The following ARHGAP44 variants were observed in gnomAD, a reference collection of about 807,000 sequenced individuals.
The protein encoded by ARHGAP44 is Rho GTPase activating protein 44.
A neutral mutation model predicts 106.8 loss-of-function variants in ARHGAP44; 43 were observed. The ratio of observed to expected loss-of-function variants is 0.40; its 90% CI spans 0.32 to 0.52. ARHGAP44 has a LOEUF of 0.52. Among genes scored for constraint, ARHGAP44 ranks in the 20% least tolerant of loss-of-function variants. The pLI, the probability that ARHGAP44 is intolerant of heterozygous loss-of-function variation, is 0.48. For missense variants in ARHGAP44, 866 were observed against 1,050.5 expected (o/e 0.82, Z 2.43); for synonymous variants, 439 against 410.3 (o/e 1.07, Z -0.85).
rs187352068 is a variant in ARHGAP44 at position 12,836,905 on chromosome 17, C to G, written c.53+47014C>G. On this transcript the variant is annotated intron_variant, in intron 1 of 20. Coordinates refer to ENST00000379672, the MANE Select transcript of ARHGAP44 (RefSeq NM_014859.6). ...TTAGCAAGGACAAAGGAGAACTGAA[C>G]AATGCTGTAAACCAATTGGATCTAA... Among the ~76,000 whole-genome samples the G allele has an allele frequency of 2.0e-4, 31 of 152,254 alleles. 1 individual carries two copies. The highest frequency in any genetic ancestry group is 1.8e-3 in the Admixed American group (28 of 15,306).
intron 1 of ARHGAP44, among the ~76,000 whole-genome samples, chr17:12,825,448 G>T (rs560612417): frequency 3.3e-5 from 5 of 150,882 alleles, no homozygotes; most frequent in Non-Finnish European, 7.4e-5. Context: ...GTGCATTATA[G>T]AGAGAGAGAG....
At chr17:12,871,265 C>T (rs1045369590) in intron 1 of ARHGAP44, among the ~76,000 whole-genome samples, 1 of 152,182 alleles carries the variant, frequency 6.6e-6, no homozygotes, top group Non-Finnish European at 1.5e-5. Flanking sequence ...TAGGTGGGGC[C>T]TGGTGGGAGG....
At position 12,938,602 on chromosome 17, in the gene ARHGAP44, A is replaced by AC. The variant is rs200841232; in HGVS notation, c.583-2454_583-2453insC. On this transcript the variant is annotated intron_variant, in intron 7 of 20. Coordinates refer to ENST00000379672, the MANE Select transcript of ARHGAP44 (RefSeq NM_014859.6). ...TATATTAAAAAAAAAAAAAAAAAAA[A>AC]ACAGCTGCCTGGTGGGATTACAGGT... Among the ~76,000 whole-genome samples, 407 of 151,658 alleles carry AC rather than the reference A, an allele frequency of 2.7e-3. 7 individuals are homozygous for AC. The East Asian group carries it at 0.052, about 19-fold the overall frequency.
At chr17:12,877,699 G>C (rs1033783366) in intron 1 of ARHGAP44, among the ~76,000 whole-genome samples, 4 of 151,678 alleles carry the variant, frequency 2.6e-5, no homozygotes, top group Non-Finnish European at 4.4e-5. Flanking sequence ...GCCGTGAGCC[G>C]AGATCGCGCC....
chr17:12,802,937 A>G lies in ARHGAP44; in HGVS notation c.53+13046A>G, dbSNP rs1284957705. 6.2e-3 allele frequency among the ~76,000 whole-genome samples: 47 copies of G among 7,574 alleles called. 1 individual carries two copies. Among genetic ancestry groups the G allele is most frequent in the African/African-American group, 0.025 (45 of 1,794 alleles). The allele number at this position is 7,574 out of a possible 152,430, so 5.0% of individuals were successfully genotyped here. A position where few individuals can be genotyped will look rare whatever the true frequency, so the allele number is the denominator to read the frequency against. ...CCATACCTGGCTAATTTATATATAT[A>G]TATATATATATATATATATATATAT... On this transcript the variant is annotated intron_variant, in intron 1 of 20. Transcript: ENST00000379672.
chr17:12,880,578 C>A (rs1357163930), intron 1 of ARHGAP44, among the ~76,000 whole-genome samples: 1 of 151,208 alleles, frequency 6.6e-6, no homozygotes, highest in Admixed American at 6.6e-5. Flanking sequence ...TATTTTATTG[C>A]TCTTTATTAC....
Position 12,990,301 on chromosome 17 carries a change from G to C in ARHGAP44, c.*130G>C. On this transcript the variant is annotated 3_prime_UTR_variant, in exon 21 of 21. Coordinates refer to ENST00000379672, the MANE Select transcript of ARHGAP44 (RefSeq NM_014859.6). ...TCCTGCCACTGCCAACACGAGGTTG[G>C]AATTTGGCAGAAAATTGTGATCTCC... is the stretch of plus-strand genomic sequence containing the variant. 3.2e-6 allele frequency: 4 copies of C among 1,262,162 alleles called. No individual in the cohort carries two copies. The highest frequency in any genetic ancestry group is 4.3e-6 in the Non-Finnish European group (4 of 932,012). 78.2% of individuals were successfully genotyped at this position (1,262,162 alleles called of 1,614,324 possible).
chr17:12,840,474 A>C (rs936982939), intron 1 of ARHGAP44, among the ~76,000 whole-genome samples: 2 of 152,152 alleles, frequency 1.3e-5, no homozygotes. Flanking sequence ...TCATCTCATC[A>C]GTCTTTTAGT....
intron 1 of ARHGAP44, among the ~76,000 whole-genome samples, chr17:12,885,724 G>A (rs1597997414): frequency 1.3e-5 from 2 of 151,470 alleles, no homozygotes; most frequent in Non-Finnish European, 2.9e-5. Flanking sequence ...TTTTCTTATT[G>A]TTAAGTTTCA....
At chr17:12,893,620 G>A (rs75427982) in intron 1 of ARHGAP44, among the ~76,000 whole-genome samples, 1,780 of 152,310 alleles carry the variant, frequency 0.012, 33 homozygotes, top group African/African-American at 0.039. Flanking sequence ...AGGGGTACGG[G>A]CTTGGGTGGT....
intron 16 of ARHGAP44, among the ~76,000 whole-genome samples, chr17:12,965,362 T>C (rs1327777306): frequency 6.6e-6 from 1 of 152,194 alleles, no homozygotes; most frequent in Non-Finnish European, 1.5e-5. Flanking sequence ...TATGGGATAT[T>C]TACATCAGGG....
chr17:12,789,717 G>C lies in ARHGAP44; in HGVS notation c.-122G>C, dbSNP rs963920093. On this transcript the variant is annotated 5_prime_UTR_variant, in exon 1 of 21. Transcript: ENST00000379672. Reference sequence around the variant, plus strand: ...GCGCGCGGGCCAGACGGCGCCCGGAGGCTCCGCAGTGCCGCCGCCGTCGCC... The same window carrying C: ...GCGCGCGGGCCAGACGGCGCCCGGACGCTCCGCAGTGCCGCCGCCGTCGCC... 3.0e-5 allele frequency: 26 copies of C among 874,312 alleles called. No individual in the cohort carries two copies. The highest frequency in any genetic ancestry group is 7.1e-5 in the African/African-American group (4 of 56,130). The allele number at this position is 874,312 out of a possible 1,614,324, so 54.2% of individuals were successfully genotyped here. A position where few individuals can be genotyped will look rare whatever the true frequency, so the allele number is the denominator to read the frequency against.
intron 3 of ARHGAP44, among the ~76,000 whole-genome samples, chr17:12,900,407 G>A (rs1470249933): frequency 2.6e-5 from 4 of 152,150 alleles, no homozygotes; most frequent in African/African-American, 4.8e-5. Context: ...GATTACAGGC[G>A]TGAGCCACCA....
At chr17:12,790,878 TTCAGGTGTGC>T (rs2033730684) in intron 1 of ARHGAP44, 1 of 152,230 alleles carries the variant, frequency 6.6e-6, no homozygotes, top group Non-Finnish European at 1.5e-5. Context: ...GGCAAAGGAA[TTCAGGTGTGC>T]TGTTCTAAAG....
At position 12,956,046 on chromosome 17, in the gene ARHGAP44, C is replaced by T. The variant is rs73292369; in HGVS notation, c.1250+66C>T. 6,881 of 1,224,370 alleles carry T rather than the reference C, an allele frequency of 5.6e-3. 243 individuals are homozygous for T. In the African/African-American group the frequency reaches 0.087, roughly 15 times the overall value. 75.8% of individuals were successfully genotyped at this position (1,224,370 alleles called of 1,614,324 possible). ...GACTGCAGGGCCTGAGCAGGGTGGGCAGGACAGCTGGGGCCTAGCTGAGCA... is the reference window on the plus strand; with the variant it reads ...GACTGCAGGGCCTGAGCAGGGTGGGTAGGACAGCTGGGGCCTAGCTGAGCA... On this transcript the variant is annotated intron_variant, in intron 14 of 20. Coordinates refer to ENST00000379672, the MANE Select transcript of ARHGAP44 (RefSeq NM_014859.6).
intron 1 of ARHGAP44, among the ~76,000 whole-genome samples, chr17:12,846,128 T>C (rs1329213811): frequency 6.6e-6 from 1 of 151,720 alleles, no homozygotes; most frequent in Non-Finnish European, 1.5e-5. Flanking sequence ...GGCAAATGGA[T>C]AAATTTAAGT....
intron 12 of ARHGAP44, among the ~76,000 whole-genome samples, chr17:12,951,469 C>A (rs2038990542): frequency 6.6e-6 from 1 of 152,114 alleles, no homozygotes; most frequent in South Asian, 2.1e-4. Context: ...GAGAACATAT[C>A]CTTTGATGGA....
chr17:12,838,939 C>T (rs2035317660), intron 1 of ARHGAP44, among the ~76,000 whole-genome samples: 1 of 152,016 alleles, frequency 6.6e-6, no homozygotes, highest in Non-Finnish European at 1.5e-5. Flanking sequence ...ACTCCTGACC[C>T]CAGGTGATCT....
intron 3 of ARHGAP44, among the ~76,000 whole-genome samples, chr17:12,896,723 C>T (rs548765678): frequency 6.6e-6 from 1 of 152,350 alleles, no homozygotes; most frequent in Non-Finnish European, 1.5e-5. Context: ...GCATCCCCCG[C>T]CCTCCACAGG....
Sources: allele counts gnomAD v4.1 joint callset (sites outside exome capture counted in the v4.1 genomes callset), GRCh38; gene constraint gnomAD v4.1.1; transcripts MANE v1.5; gene names NCBI Gene and HGNC (gene_info 2026-07-23, HGNC 2026-07-21).